The following LRBA variants were observed in gnomAD, a reference collection of about 807,000 sequenced individuals.
LRBA encodes lipopolysaccharide-responsive and beige-like anchor protein.
A neutral mutation model predicts 330.0 loss-of-function variants in LRBA; 176 were observed. The ratio of observed to expected loss-of-function variants is 0.53; its 90% confidence interval spans 0.47 to 0.60. LRBA has a LOEUF of 0.60. Among genes scored for constraint, LRBA ranks in the 20% least tolerant of loss-of-function variants. The probability of loss-of-function intolerance (pLI) is 0.00; values close to 1 mark genes in which losing one functional copy is unlikely to be tolerated. For synonymous variants in LRBA, 1,230 were observed against 1,193.0 expected (o/e 1.03, Z -0.64); for missense variants, 3,259 against 3,444.8 (o/e 0.95, Z 1.35).
At chr4:150,490,010 C>G (rs1056518858) in intron 41 of LRBA, among the ~76,000 whole-genome samples, 1 of 151,230 alleles carries the variant, frequency 6.6e-6, no homozygotes, top group African/African-American at 2.4e-5. Flanking sequence ...GATTGAAGCT[C>G]CTTTGGGACA....
chr4:150,414,962 A>G (rs1038611899), intron 47 of LRBA, among the ~76,000 whole-genome samples: 1 of 152,260 alleles, frequency 6.6e-6, no homozygotes, highest in Non-Finnish European at 1.5e-5. Flanking sequence ...GTTTGTAAGC[A>G]CAAATTCAAT....
chr4:150,401,657 C>T (rs1006046838), intron 47 of LRBA, among the ~76,000 whole-genome samples: 1 of 151,980 alleles, frequency 6.6e-6, no homozygotes, highest in Non-Finnish European at 1.5e-5. Flanking sequence ...ATATCACTAA[C>T]AAAAGTGATA....
chr4:150,808,178 T>C, intron 32 of LRBA, 142 bp downstream of exon 32: 1 of 575,086 alleles, frequency 1.7e-6, no homozygotes, highest in Admixed American at 3.4e-5. Context: ...ACTTCTAAAA[T>C]GTTCCCAAGC....
At chr4:150,689,876 G>C (rs1220073189) in intron 36 of LRBA, among the ~76,000 whole-genome samples, 1 of 152,144 alleles carries the variant, frequency 6.6e-6, no homozygotes, top group Non-Finnish European at 1.5e-5. Flanking sequence ...AGCAAGCCGA[G>C]ATTGTGCCAC....
chr4:150,345,127 T>C (rs1298674308), intron 48 of LRBA, among the ~76,000 whole-genome samples: 1 of 152,228 alleles, frequency 6.6e-6, no homozygotes, highest in Non-Finnish European at 1.5e-5. Flanking sequence ...GTACCTATCC[T>C]ATGCTTGTGC....
chr4:150,865,743 G>C (rs1752599665), intron 22 of LRBA, among the ~76,000 whole-genome samples: 1 of 145,728 alleles, frequency 6.9e-6, no homozygotes, highest in Non-Finnish European at 1.5e-5. Flanking sequence ...TTTAGATGGA[G>C]TCTCACTGTC....
At chr4:150,414,698 G>T (rs552240170) in intron 47 of LRBA, among the ~76,000 whole-genome samples, 1 of 151,918 alleles carries the variant, frequency 6.6e-6, no homozygotes, top group Admixed American at 6.6e-5. Flanking sequence ...ACCATGTTGG[G>T]CAGGCTGGTC....
At chr4:150,435,565 C>G in intron 46 of LRBA, 24 bp downstream of exon 46, 1 of 1,596,520 alleles carries the variant, frequency 6.3e-7, no homozygotes, top group Non-Finnish European at 8.5e-7. Context: ...GCAATAACAA[C>G]TATAAAACAA....
intron 36 of LRBA, among the ~76,000 whole-genome samples, chr4:150,715,716 C>A (rs1050375766): frequency 6.6e-6 from 1 of 152,144 alleles, no homozygotes; most frequent in African/African-American, 2.4e-5. Context: ...GTTACAGACA[C>A]TTGCCAATGA....
chr4:150,908,838 G>C lies in LRBA; in HGVS notation c.1181C>G (p.Ala394Gly). The change falls in exon 10 of 57, where the codon GCA becomes GGA. Residue 394 changes from alanine (A) to glycine (G), a missense_variant. Transcript: ENST00000651943. ...CTCAGCAAGGAAAAGGTCGCTTTCTGCTTTGAATTTAAATGTACCCTAAGA... is the reference window on the plus strand; with the variant it reads ...CTCAGCAAGGAAAAGGTCGCTTTCTCCTTTGAATTTAAATGTACCCTAAGA... The part of the protein sequence containing the change: ...LGYKGTFKFK[A>G]ESDLFLAEHH... 1 of 1,612,376 alleles carries C rather than the reference G, an allele frequency of 6.2e-7. No homozygotes were observed.
intron 47 of LRBA, among the ~76,000 whole-genome samples, chr4:150,402,446 A>G (rs1395264873): frequency 6.6e-6 from 1 of 152,152 alleles, no homozygotes; most frequent in Non-Finnish European, 1.5e-5. Flanking sequence ...AATTGATTTA[A>G]GCTATAGAAA....
At position 150,742,750 on chromosome 4, in the gene LRBA, T is replaced by C. The variant is rs1441803307; in HGVS notation, c.5646-7384A>G. Among the ~76,000 whole-genome samples the C allele has an allele frequency of 7.9e-5, 12 of 151,770 alleles. No individual in the cohort carries two copies. In the East Asian group the frequency reaches 1.5e-3, roughly 20 times the overall value. ...AAAAAAACACCAAAAACAACAAAAT[T>C]AGCTGAGCATGGTGGTACACATCTG... On this transcript the variant is annotated intron_variant, in intron 35 of 56. Coordinates refer to ENST00000651943, the MANE Select transcript of LRBA (RefSeq NM_001364905.1).
At chr4:150,710,631 A>G (rs1786093270) in intron 36 of LRBA, among the ~76,000 whole-genome samples, 1 of 152,172 alleles carries the variant, frequency 6.6e-6, no homozygotes. Flanking sequence ...GGTAGTAAAC[A>G]TGAGCCAAAG....
intron 39 of LRBA, among the ~76,000 whole-genome samples, chr4:150,590,447 A>C (rs1241479049): frequency 6.6e-6 from 1 of 151,716 alleles, no homozygotes; most frequent in African/African-American, 2.4e-5. Context: ...GGGTGAAGTA[A>C]TTTTGTTCTT....
chr4:150,685,147 C>T (rs1350029822), intron 36 of LRBA, among the ~76,000 whole-genome samples: 1 of 151,412 alleles, frequency 6.6e-6, no homozygotes, highest in Non-Finnish European at 1.5e-5. Flanking sequence ...AAAATGAGAG[C>T]AGAACTATGA....
In LRBA at chr4:150,321,569, T is replaced by A. The variant is rs1331829560; in HGVS notation, c.7453-201A>T. 6.6e-6 allele frequency among the ~76,000 whole-genome samples: 1 copy of A among 152,138 alleles called. No individual in the cohort carries two copies. The highest frequency in any genetic ancestry group is 2.4e-5 in the African/African-American group (1 of 41,430). Reference sequence around the variant, plus strand: ...TCTGTTATTCATGTATGTCGTTAGTTGGAATTTTGGGGGACTGAAGTAGAA... The same window carrying A: ...TCTGTTATTCATGTATGTCGTTAGTAGGAATTTTGGGGGACTGAAGTAGAA... On this transcript the variant is annotated intron_variant, in intron 49 of 56. Transcript: ENST00000651943. This position sits in a 1 kb window ranked among gnomAD's most constrained non-coding sequence, Gnocchi z 4.5.
At chr4:150,572,544 T>C (rs1182651958) in intron 40 of LRBA, among the ~76,000 whole-genome samples, 2 of 152,150 alleles carry the variant, frequency 1.3e-5, no homozygotes, top group African/African-American at 2.4e-5. Context: ...AATATGCCTC[T>C]TAAATTCTCA....
At chr4:150,640,086 G>A (rs1272455436) in intron 37 of LRBA, among the ~76,000 whole-genome samples, 1 of 151,240 alleles carries the variant, frequency 6.6e-6, no homozygotes, top group Non-Finnish European at 1.5e-5. Flanking sequence ...TTGAACTCCT[G>A]ACCTAGGCAA....
At chr4:150,795,473 T>C (rs994829307) in intron 34 of LRBA, among the ~76,000 whole-genome samples, 1 of 151,988 alleles carries the variant, frequency 6.6e-6, no homozygotes, top group African/African-American at 2.4e-5. Flanking sequence ...TTTAAATTGA[T>C]CTTTGGAACT....
Sources: allele counts gnomAD v4.1 joint callset (sites outside exome capture counted in the v4.1 genomes callset), GRCh38; gene constraint gnomAD v4.1.1; non-coding constraint Gnocchi (gnomAD v3.1); transcripts MANE v1.5; gene names NCBI Gene and HGNC (gene_info 2026-07-23, HGNC 2026-07-21).